Variants in PDXDC1 observed in about 807,000 individuals in gnomAD.
The protein encoded by PDXDC1 is pyridoxal-dependent decarboxylase domain-containing protein 1.
In PDXDC1, 42 loss-of-function variants were observed where a neutral mutation model predicts 100.1. That is an observed-to-expected ratio of 0.42 (90% confidence interval 0.33 to 0.54). The LOEUF (loss-of-function observed/expected upper bound fraction) is 0.54. Ranked by LOEUF, PDXDC1 falls within the 20% of genes least tolerant of loss-of-function variation. PDXDC1 has a pLI of 0.10. For synonymous variants in PDXDC1, 260 were observed against 371.7 expected, an observed-to-expected ratio of 0.70 and a Z score of 3.46; for missense variants, 636 against 979.2, an observed-to-expected ratio of 0.65 and a Z score of 4.68.
intron 18 of PDXDC1, 84 bp from the exon 19 acceptor site, chr16:15,033,194 C>A: frequency 1.4e-6 from 2 of 1,479,698 alleles, no homozygotes; most frequent in Non-Finnish European, 9.4e-7. Context: ...TGTGTGTGGT[C>A]AGGACCCTGA....
At chr16:15,002,621 T>A (rs914017922) in intron 4 of PDXDC1, among the ~76,000 whole-genome samples, 3 of 152,410 alleles carry the variant, frequency 2.0e-5, no homozygotes, top group African/African-American at 7.2e-5. Flanking sequence ...ACTTTCGACA[T>A]GTGTCACTTC....
rs139912060 is a variant in PDXDC1, at chr16:15,047,475, A to G, written c.1399+17419A>G. ...TTGAGCGTGGTCAGAAAAGGATTTT[A>G]TGGAGTTCATGATCAAGGGGACCTC... On this transcript the variant is annotated intron_variant, in intron 16 of 16. Transcript: ENST00000535621. 3.9e-5 allele frequency: 63 copies of G among 1,613,288 alleles called. No homozygotes were observed. The highest frequency in any genetic ancestry group is 5.1e-5 in the Non-Finnish European group (60 of 1,179,290).
intron 5 of PDXDC1, among the ~76,000 whole-genome samples, chr16:15,005,606 T>C (rs1343388544): frequency 1.3e-5 from 2 of 152,298 alleles, no homozygotes; most frequent in Non-Finnish European, 2.9e-5. Context: ...TCTGTTGTTC[T>C]AGTAAAAATC....
chr16:15,037,797 C>CAAAA lies in PDXDC1; in HGVS notation c.*1529_*1532dup, dbSNP rs11376559. The CAAAA allele has an allele frequency of 2.8e-4, 112 of 400,784 alleles. No individual in the cohort carries two copies. The East Asian group carries it at 3.7e-3, about 13-fold the overall frequency. 24.8% of individuals were successfully genotyped at this position (400,784 alleles called of 1,614,324 possible). ...TTCTCCTCTGCCCGTTATTACCGAC[C>CAAAA]AAAAAAAAAACTGGACATCAATTTT... On this transcript the variant is annotated 3_prime_UTR_variant, in exon 23 of 23. Coordinates refer to ENST00000396410, the MANE Select transcript of PDXDC1 (RefSeq NM_015027.4).
chr16:15,015,081 G>T (rs536748244), intron 8 of PDXDC1, among the ~76,000 whole-genome samples: 126 of 152,260 alleles, frequency 8.3e-4, no homozygotes, highest in Non-Finnish European at 1.3e-3. Flanking sequence ...GGGACTATAG[G>T]CGCCCACCAC....
intron 3 of PDXDC1, among the ~76,000 whole-genome samples, chr16:14,999,969 A>G (rs1430973285): frequency 6.6e-6 from 1 of 152,286 alleles, no homozygotes; most frequent in East Asian, 1.9e-4. Flanking sequence ...AAAAGTATGG[A>G]GGAAGGATCA....
intron 1 of PDXDC1, among the ~76,000 whole-genome samples, chr16:14,988,104 C>T (rs1475749130): frequency 2.6e-5 from 4 of 152,068 alleles, no homozygotes; most frequent in African/African-American, 9.7e-5. Flanking sequence ...CCAATGCAAA[C>T]TCTGGTGTAT....
intron 16 of PDXDC1, among the ~76,000 whole-genome samples, chr16:15,085,955 C>T (rs552066038): frequency 5.9e-5 from 9 of 152,140 alleles, no homozygotes; most frequent in Non-Finnish European, 1.0e-4. Context: ...CTCACAGCAA[C>T]AAATGAATCT....
rs541535895 is a variant in PDXDC1 at position 15,077,590 on chromosome 16, C to G, written c.1399+47534C>G. ...GGTGCAGTGGCTCACGCCTGTAATC[C>G]GAGCTCTTTGGGAGGCCGAGGTGGA... On this transcript the variant is annotated intron_variant, in intron 16 of 16. Transcript: ENST00000535621. Among the ~76,000 whole-genome samples, 75 of 152,288 alleles carry G rather than the reference C, an allele frequency of 4.9e-4. 1 individual carries two copies. The South Asian group carries it at 6.0e-3, about 12-fold the overall frequency.
chr16:15,055,764 GA>G (rs2044485415), intron 16 of PDXDC1: 1 of 471,122 alleles, frequency 2.1e-6, no homozygotes, highest in Admixed American at 4.6e-5. Flanking sequence ...GACGCGAGCC[GA>G]CGGCCGGGGC....
intron 16 of PDXDC1, among the ~76,000 whole-genome samples, chr16:15,064,672 T>C (rs934654584): frequency 3.9e-5 from 6 of 152,224 alleles, no homozygotes; most frequent in African/African-American, 1.4e-4. Flanking sequence ...TTGATGTCAG[T>C]CTGGCTCCTA....
At chr16:15,067,997 G>A (rs2045049634) in intron 16 of PDXDC1, among the ~76,000 whole-genome samples, 2 of 151,844 alleles carry the variant, frequency 1.3e-5, no homozygotes. Flanking sequence ...CTGGCCTCAA[G>A]CAATCCTCCC....
intron 16 of PDXDC1, among the ~76,000 whole-genome samples, chr16:15,080,319 GTTT>G (rs1476897440): frequency 6.6e-6 from 1 of 152,082 alleles, no homozygotes; most frequent in Non-Finnish European, 1.5e-5. Flanking sequence ...ATAACTATAG[GTTT>G]TTAAGTAGCT....
chr16:15,016,904 G>C (rs574031949), intron 9 of PDXDC1, among the ~76,000 whole-genome samples: 2 of 152,278 alleles, frequency 1.3e-5, no homozygotes, highest in Admixed American at 1.3e-4. Context: ...TTAAATGAGC[G>C]GGGATAGTTC....
At chr16:15,137,970 T>A (rs2048403086) in intron 16 of PDXDC1, 4 of 691,238 alleles carry the variant, frequency 5.8e-6, no homozygotes, top group Non-Finnish European at 1.0e-5. Flanking sequence ...GTGGGAAGGG[T>A]CTATGCCAGC....
chr16:15,015,520 G>C (rs1164531994), intron 8 of PDXDC1, among the ~76,000 whole-genome samples: 1 of 152,116 alleles, frequency 6.6e-6, no homozygotes, highest in Non-Finnish European at 1.5e-5. Context: ...TTCGAGACCA[G>C]CCTGGCCAAC....
chr16:15,018,796 G>T, intron 11 of PDXDC1, 44 bp from the exon 12 acceptor site: 2 of 1,597,540 alleles, frequency 1.3e-6, no homozygotes, highest in Non-Finnish European at 1.7e-6. Flanking sequence ...TCTATTATGA[G>T]ATTGCAATGG....
rs541215039 is a variant in PDXDC1, at chr16:15,136,122, G to A, written c.1400-2757G>A. 3.2e-5 allele frequency: 49 copies of A among 1,535,768 alleles called. No homozygotes were observed. The South Asian group carries it at 3.3e-4, about 10-fold the overall frequency. On this transcript the variant is annotated intron_variant, in intron 16 of 16. Transcript: ENST00000535621. ...GCACAGTCGAGAAGCCGATCCACAC[G>A]TCTAGGCTCCTGGGGGCGGGTGTGG...
chr16:15,135,968 C>G, intron 16 of PDXDC1: 5 of 1,575,120 alleles, frequency 3.2e-6, no homozygotes, highest in Non-Finnish European at 4.3e-6. Context: ...CGCCGGGCAC[C>G]CCGGCTGGTG....
Sources: gnomAD v4.1 joint callset for allele counts (sites outside exome capture counted in the v4.1 genomes callset) on GRCh38, gnomAD v4.1.1 for gene constraint, MANE v1.5 for transcripts, NCBI Gene and HGNC (gene_info 2026-07-23, HGNC 2026-07-21) for gene names.